HCRTR1: variants seen among roughly 807,000 people sequenced by gnomAD.
The protein encoded by HCRTR1 is hypocretin receptor 1, also known as orexin/Hypocretin receptor type 1.
A neutral mutation model predicts 40.6 loss-of-function variants in HCRTR1; 28 were observed. That is an observed-to-expected ratio of 0.69 (90% confidence interval 0.51 to 0.95). The LOEUF (loss-of-function observed/expected upper bound fraction) is 0.95, where lower values mean the gene tolerates loss of function less well. Among genes scored for constraint, HCRTR1 ranks in the 40% least tolerant of loss-of-function variants. HCRTR1 has a pLI of 0.00. For missense variants in HCRTR1, 482 were observed against 564.7 expected (o/e 0.85, Z 1.48); for synonymous variants, 209 against 230.0 (o/e 0.91, Z 0.83).
Position 31,626,878 on chromosome 1 carries a change from C to A in HCRTR1, c.1176C>A (p.Arg392=). Residue 392 remains arginine (R), a synonymous_variant, in exon 9 of 9, where the codon CGC becomes CGA. Transcript: ENST00000403528. The surrounding 1 kb of genome is among the most constrained non-coding windows in gnomAD (Gnocchi z 4.6). Reference sequence around the variant, plus strand: ...GCTCTCTGAAGGCCCCTAGTCCCCGCTCCTCTGCCAGCCACAAGTCCTTGT... The same window carrying A: ...GCTCTCTGAAGGCCCCTAGTCCCCGATCCTCTGCCAGCCACAAGTCCTTGT... The part of the protein sequence containing the change: ...PCGSLKAPSP[R]SSASHKSLSL... 1 of 1,614,086 alleles carries A rather than the reference C, an allele frequency of 6.2e-7. No individual in the cohort carries two copies.
intron 3 of HCRTR1, 29 bp downstream of exon 3, chr1:31,619,420 G>A: frequency 6.2e-7 from 1 of 1,613,418 alleles, no homozygotes; most frequent in Non-Finnish European, 8.5e-7. Flanking sequence ...CGGCAGTGCT[G>A]CCGGCTTTCC....
At chr1:31,632,309 G>A, downstream of HCRTR1, 1 of 1,014,456 alleles carries the variant, frequency 9.9e-7, no homozygotes, top group South Asian at 1.3e-5. Flanking sequence ...TCCTTGCCCT[G>A]GCTCTTGGCT....
In HCRTR1 at chr1:31,627,464, A is replaced by ACG; in HGVS notation, c.*485_*486dup. 1.2e-6 allele frequency: 1 copy of ACG among 839,254 alleles called. No individual in the cohort carries two copies. Among genetic ancestry groups the ACG allele is most frequent in the Non-Finnish European group, 1.7e-6 (1 of 578,464 alleles). The allele number at this position is 839,254 out of a possible 1,614,324, so 52.0% of individuals were successfully genotyped here. ...GGGCCCAGCCTTTCTCCAGCGGGCCACGAGCACAGCCCCACCCTAACCAGG... is the reference window on the plus strand; with the variant it reads ...GGGCCCAGCCTTTCTCCAGCGGGCCACGCGAGCACAGCCCCACCCTAACCAGG... On this transcript the variant is annotated 3_prime_UTR_variant, in exon 9 of 9. Transcript: ENST00000403528.
At position 31,625,758 on chromosome 1, in the gene HCRTR1, T is replaced by C. The variant is rs1396843913; in HGVS notation, c.1087+640T>C. On this transcript the variant is annotated intron_variant, in intron 8 of 8. Coordinates refer to ENST00000403528, the MANE Select transcript of HCRTR1 (RefSeq NM_001525.3). The surrounding 1 kb of genome is among the most constrained non-coding windows in gnomAD (Gnocchi z 4.2). ...CCCAGTCTCAGGGTGGTAATGGCTC[T>C]GAGGCTGAGCTCAGCAGAAGTCTGA... Among the ~76,000 whole-genome samples the C allele has an allele frequency of 6.6e-6, 1 of 152,122 alleles. No individual in the cohort carries two copies. The highest frequency in any genetic ancestry group is 1.5e-5 in the Non-Finnish European group (1 of 68,014).
At chr1:31,629,964 G>A (rs1277906688), downstream of HCRTR1, 2 of 152,270 alleles carry the variant, frequency 1.3e-5, no homozygotes, top group Non-Finnish European at 2.9e-5. Context: ...GCAGGGAGAG[G>A]TGACCACTGT....
At chr1:31,628,702 C>A (rs1044594250), downstream of HCRTR1, among the ~76,000 whole-genome samples, 1 of 152,228 alleles carries the variant, frequency 6.6e-6, no homozygotes, top group Non-Finnish European at 1.5e-5. Flanking sequence ...TGGCTGAACC[C>A]AGCACCATGG....
At chr1:31,631,214 T>C (rs10798879), downstream of HCRTR1, among the ~76,000 whole-genome samples, 83,119 of 152,110 alleles carry the variant, frequency 0.55, 23,747 homozygotes, top group Non-Finnish European at 0.63. Context: ...TCAGAGGCAG[T>C]ACAGCAGAGG....
chr1:31,633,707 G>A (rs1640178110), downstream of HCRTR1, among the ~76,000 whole-genome samples: 1 of 152,166 alleles, frequency 6.6e-6, no homozygotes, highest in Admixed American at 6.5e-5. Flanking sequence ...TGTAATCCCA[G>A]CACTTTGGGA....
downstream of HCRTR1, chr1:31,630,959 A>G: frequency 1.2e-6 from 1 of 841,256 alleles, no homozygotes; most frequent in Non-Finnish European, 1.9e-6. Context: ...GCACAGAAGC[A>G]CAAAGAGGGT....
chr1:31,620,484 G>T (rs1488435650), intron 4 of HCRTR1, among the ~76,000 whole-genome samples: 1 of 152,186 alleles, frequency 6.6e-6, no homozygotes, highest in Admixed American at 6.5e-5. Context: ...AGGGGGGCAA[G>T]AGCGCTTTGT....
At chr1:31,624,653 C>T (rs955074204) in intron 7 of HCRTR1, among the ~76,000 whole-genome samples, 3 of 152,138 alleles carry the variant, frequency 2.0e-5, no homozygotes, top group Middle Eastern at 3.4e-3. Flanking sequence ...GTGTGATCTT[C>T]GGCATGTCAC....
At position 31,627,348 on chromosome 1, in the gene HCRTR1, G is replaced by A. The variant is rs1412408138; in HGVS notation, c.*368G>A. Reference sequence around the variant, plus strand: ...GCCTTCCCTGGAGTCTGCTCTAAAGGTCCCAACAGGCATTTCCATCTTGTT... The same window carrying A: ...GCCTTCCCTGGAGTCTGCTCTAAAGATCCCAACAGGCATTTCCATCTTGTT... On this transcript the variant is annotated 3_prime_UTR_variant, in exon 9 of 9. Transcript: ENST00000403528. 1 of 1,306,232 alleles carries A rather than the reference G, an allele frequency of 7.7e-7. No homozygotes were observed. The highest frequency in any genetic ancestry group is 5.2e-5 in the East Asian group (1 of 19,082). 80.9% of individuals were successfully genotyped at this position (1,306,232 alleles called of 1,614,324 possible).
Position 31,621,580 on chromosome 1 carries a change from C to G in HCRTR1, c.726C>G (p.Leu242=). 6.2e-7 allele frequency: 1 copy of G among 1,612,832 alleles called. No homozygotes were observed. The highest frequency in any genetic ancestry group is 2.2e-5 in the East Asian group (1 of 44,878). Residue 242 remains leucine, a synonymous_variant, in exon 6 of 9, where the codon CTC becomes CTG. Transcript: ENST00000403528. The part of the protein sequence containing the change: ...AMAYFQIFRK[L]WGRQIPGTTS... ...CCTATTTCCAGATATTCCGCAAGCT[C>G]TGGGGCCGCCAGGTGAGGCCCACTC...
At chr1:31,632,481 G>A, downstream of HCRTR1, 1 of 1,614,210 alleles carries the variant, frequency 6.2e-7, no homozygotes, top group Non-Finnish European at 8.5e-7. Flanking sequence ...TCGTGCCCCG[G>A]CCATGACCCG....
chr1:31,630,295 A>G (rs1640059182), downstream of HCRTR1: 8 of 386,758 alleles, frequency 2.1e-5, no homozygotes, highest in Non-Finnish European at 3.9e-5. Context: ...GGTGGAGCTC[A>G]GCTGACTGGA....
downstream of HCRTR1, among the ~76,000 whole-genome samples, chr1:31,632,044 A>G (rs1419263036): frequency 2.0e-5 from 3 of 152,222 alleles, no homozygotes; most frequent in East Asian, 5.8e-4. Flanking sequence ...TGCAACTTTT[A>G]GAGTGCTCAG....
rs199687796 is a variant in HCRTR1, at chr1:31,619,112, T to C, written c.-81T>C. 37 of 1,236,138 alleles carry C rather than the reference T, an allele frequency of 3.0e-5. No homozygotes were observed. Among genetic ancestry groups the C allele is most frequent in the Middle Eastern group, 2.6e-4 (1 of 3,912 alleles). 76.6% of individuals were successfully genotyped at this position (1,236,138 alleles called of 1,614,324 possible). A position where few individuals can be genotyped will look rare whatever the true frequency, so the allele number is the denominator to read the frequency against. ...AAGCCTCCAGGCACCCTGAAGGGAG[T>C]GGGCTGAGGGCTGGCCCAAGCTCCC... is the stretch of plus-strand genomic sequence containing the variant. On this transcript the variant is annotated 5_prime_UTR_variant, in exon 3 of 9. Transcript: ENST00000403528.
rs2148607814 is a variant in HCRTR1, at chr1:31,619,197, A to G, written c.5A>G (p.Glu2Gly). Residue 2 changes from glutamate to glycine, a missense_variant, in exon 3 of 9, where the codon GAG becomes GGG. Coordinates refer to ENST00000403528, the MANE Select transcript of HCRTR1 (RefSeq NM_001525.3). ...GCTGCAGCGGCTCCTGAGCTCATGG[A>G]GCCCTCAGCCACCCCAGGGGCCCAG... M[E>G]PSATPGAQMG... 1 of 1,610,700 alleles carries G rather than the reference A, an allele frequency of 6.2e-7. No homozygotes were observed. The highest frequency in any genetic ancestry group is 8.5e-7 in the Non-Finnish European group (1 of 1,179,840).
At chr1:31,632,886 C>G (rs1314122976), downstream of HCRTR1, among the ~76,000 whole-genome samples, 1 of 152,200 alleles carries the variant, frequency 6.6e-6, no homozygotes, top group Admixed American at 6.5e-5. Flanking sequence ...GCACCTGACC[C>G]CTCCCTGCTG....
Sources: gnomAD v4.1 joint callset for allele counts (sites outside exome capture counted in the v4.1 genomes callset) on GRCh38, gnomAD v4.1.1 for gene constraint, Gnocchi (gnomAD v3.1) non-coding constraint, MANE v1.5 for transcripts, NCBI Gene and HGNC (gene_info 2026-07-23, HGNC 2026-07-21) for gene names.